Variants in MED22 observed in about 807,000 individuals in gnomAD.
MED22 encodes the protein mediator of RNA polymerase II transcription subunit 22.
A neutral mutation model predicts 22.7 loss-of-function variants in MED22; 22 were observed. The observed-to-expected ratio is 0.97, with a 90% CI of 0.69 to 1.38. The LOEUF (loss-of-function observed/expected upper bound fraction) is 1.38, where lower values mean the gene tolerates loss of function less well. Among genes scored for constraint, MED22 ranks in the 40% most tolerant of loss-of-function variants. MED22 has a pLI of 0.00. For missense variants in MED22, 247 were observed against 263.0 expected, an observed-to-expected ratio of 0.94 and a Z score of 0.42; for synonymous variants, 134 against 119.4, an observed-to-expected ratio of 1.12 and a Z score of -0.80.
intron 4 of MED22, chr9:133,343,749 T>A: frequency 3.8e-6 from 5 of 1,299,640 alleles, no homozygotes; most frequent in Non-Finnish European, 4.9e-6. Flanking sequence ...TTGGCTGAAA[T>A]CTCTACATAT....
Position 133,340,199 on chromosome 9 carries a change from C to G in MED22, c.*1306G>C, listed in dbSNP as rs1456808478. ...AAATTCTCCCTCAGAGGGGAAGCAA[C>G]TTCCCTAGGCCACCCCAGAAGCCAG... is the stretch of plus-strand genomic sequence containing the variant. On this transcript the variant is annotated 3_prime_UTR_variant, in exon 5 of 5. Transcript: ENST00000343730. The G allele has an allele frequency of 2.6e-5, 4 of 152,256 alleles. No homozygotes were observed. The highest frequency in any genetic ancestry group is 4.4e-5 in the Non-Finnish European group (3 of 68,072). 9.4% of individuals were successfully genotyped at this position (152,256 alleles called of 1,614,324 possible).
In MED22 at chr9:133,339,539, C is replaced by T; in HGVS notation, c.*1966G>A. 7.5e-6 allele frequency: 4 copies of T among 534,006 alleles called. No individual in the cohort carries two copies. The highest frequency in any genetic ancestry group is 3.7e-5 in the East Asian group (1 of 26,860). The allele number at this position is 534,006 out of a possible 1,614,324, so 33.1% of individuals were successfully genotyped here. ...GGCATTAAAAAAACTATTTGGGGAA[C>T]AACTGAAGAAATCTGAATACAGCTA... On this transcript the variant is annotated 3_prime_UTR_variant, in exon 5 of 5. Coordinates refer to ENST00000343730, the MANE Select transcript of MED22 (RefSeq NM_133640.5).
Position 133,338,361 on chromosome 9 carries a change from A to G in MED22, c.*3144T>C, listed in dbSNP as rs2129940454. On this transcript the variant is annotated 3_prime_UTR_variant, in exon 5 of 5. Transcript: ENST00000343730. ...GCTCTTGTTGCCCAAGCTGGAGTGC[A>G]GTGGCCCGATCTCGGCTCACTGCAA... 18 of 152,824 alleles carry G rather than the reference A, an allele frequency of 1.2e-4. No homozygotes were observed. Among genetic ancestry groups the G allele is most frequent in the Non-Finnish European group, 2.5e-4 (17 of 68,846 alleles). 9.5% of individuals were successfully genotyped at this position (152,824 alleles called of 1,614,324 possible).
intron 2 of MED22, among the ~76,000 whole-genome samples, chr9:133,345,591 C>T (rs1454125024): frequency 6.6e-6 from 1 of 152,226 alleles, no homozygotes; most frequent in East Asian, 1.9e-4. Flanking sequence ...GAACCGTTGT[C>T]ACTTGCTTGG....
At chr9:133,344,650 C>A (rs587639628) in intron 3 of MED22, among the ~76,000 whole-genome samples, 1 of 152,182 alleles carries the variant, frequency 6.6e-6, no homozygotes, top group African/African-American at 2.4e-5. Context: ...AACTGCGATC[C>A]CATTTTGCCT....
intron 4 of MED22, 182 bp downstream of exon 4, chr9:133,343,943 C>A: frequency 6.9e-7 from 1 of 1,446,960 alleles, no homozygotes; most frequent in Non-Finnish European, 9.1e-7. Flanking sequence ...AGGGCCCTGG[C>A]ATATGGATGT....
chr9:133,346,382 C>A (rs1836179619), intron 2 of MED22, 158 bp downstream of exon 2: 1 of 826,230 alleles, frequency 1.2e-6, no homozygotes, highest in Non-Finnish European at 1.9e-6. Context: ...AAGGGCTGGA[C>A]GTGCCATTAT....
chr9:133,342,017 G>A (rs1293954904), intron 4 of MED22: 2 of 1,134,728 alleles, frequency 1.8e-6, no homozygotes, highest in Middle Eastern at 3.6e-4. Flanking sequence ...GCTGGTGCTG[G>A]TCCCCCTCCT....
At chr9:133,343,520 G>A in intron 4 of MED22, 1 of 1,237,172 alleles carries the variant, frequency 8.1e-7, no homozygotes, top group Non-Finnish European at 1.0e-6. Flanking sequence ...ACGGGGCCTG[G>A]CACGTAGGTT....
chr9:133,343,396 C>A (rs1209183221), intron 4 of MED22: 1 of 1,227,198 alleles, frequency 8.1e-7, no homozygotes, highest in African/African-American at 1.6e-5. Flanking sequence ...GATACGTAGA[C>A]TCTGATTTCT....
chr9:133,341,365 G>T lies in MED22; in HGVS notation c.*140C>A. 1 of 928,786 alleles carries T rather than the reference G, an allele frequency of 1.1e-6. No homozygotes were observed. Among genetic ancestry groups the T allele is most frequent in the Non-Finnish European group, 1.5e-6 (1 of 665,166 alleles). The allele number at this position is 928,786 out of a possible 1,614,324, so 57.5% of individuals were successfully genotyped here. ...TGGCGGGACCCACCCTGGGCTAACG[G>T]GCTTCCCAAGGAAGTCCTAGTGGCT... On this transcript the variant is annotated 3_prime_UTR_variant, in exon 5 of 5. Transcript: ENST00000343730.
chr9:133,344,252 C>T lies in MED22; in HGVS notation c.286G>A (p.Glu96Lys), dbSNP rs2129960916. The T allele has an allele frequency of 1.4e-5, 22 of 1,614,210 alleles. No individual in the cohort carries two copies. The highest frequency in any genetic ancestry group is 8.8e-5 in the South Asian group (8 of 91,084). Residue 96 changes from glutamate (E) to lysine (K), a missense_variant, in exon 4 of 5, where the codon GAG (glutamate) becomes AAG (lysine). Transcript: ENST00000343730. The stretch of plus-strand genomic sequence containing the variant: ...TGCTGGTTGCGCTGGTCAATGGCCT[C>T]GTTCACGGAGGGGAAGTCATTGAGG... The part of the protein sequence containing the change: ...LILNDFPSVN[E>K]AIDQRNQQLR...
chr9:133,339,576 A>G lies in MED22; in HGVS notation c.*1929T>C, dbSNP rs1030154800. On this transcript the variant is annotated 3_prime_UTR_variant, in exon 5 of 5. Coordinates refer to ENST00000343730, the MANE Select transcript of MED22 (RefSeq NM_133640.5). ...TCTGAATACAGCTAGATACCAGAGG[A>G]TATGCAATCATCATCCATTCTGGTT... is the stretch of plus-strand genomic sequence containing the variant. 1 of 467,254 alleles carries G rather than the reference A, an allele frequency of 2.1e-6. No homozygotes were observed. The highest frequency in any genetic ancestry group is 2.0e-5 in the African/African-American group (1 of 50,076). 28.9% of individuals were successfully genotyped at this position (467,254 alleles called of 1,614,324 possible).
chr9:133,343,272 G>A, intron 4 of MED22: 3 of 1,221,684 alleles, frequency 2.5e-6, no homozygotes, highest in Non-Finnish European at 3.1e-6. Flanking sequence ...TCCAGGAGAA[G>A]GCACAAGATG....
intron 4 of MED22, chr9:133,342,990 G>C (rs587671011): frequency 1.8e-5 from 18 of 986,118 alleles, no homozygotes; most frequent in Non-Finnish European, 2.2e-5. Flanking sequence ...GAGATGCCCA[G>C]AAGGGTCTGA....
Position 133,347,966 on chromosome 9 carries a change from C to T in MED22, c.-83G>A. The T allele has an allele frequency of 2.3e-6, 1 of 437,064 alleles. No individual in the cohort carries two copies. The highest frequency in any genetic ancestry group is 2.1e-5 in the South Asian group (1 of 47,458). The allele number at this position is 437,064 out of a possible 1,614,324, so 27.1% of individuals were successfully genotyped here. On this transcript the variant is annotated 5_prime_UTR_variant, in exon 1 of 5. Coordinates refer to ENST00000343730, the MANE Select transcript of MED22 (RefSeq NM_133640.5). The stretch of plus-strand genomic sequence containing the variant: ...CCAGACGCCGCGTCCGCCGGGTCGG[C>T]CTAGGGCGGGGTGGTCAAGTGCCTC...
intron 4 of MED22, chr9:133,343,882 G>A (rs1426408074): frequency 4.1e-5 from 58 of 1,419,388 alleles, no homozygotes; most frequent in Non-Finnish European, 4.9e-5. Context: ...CGGCCTATCC[G>A]ACTGGCGTGA....
chr9:133,339,326 G>C lies in MED22; in HGVS notation c.*2179C>G, dbSNP rs1054452934. 2.8e-6 allele frequency: 2 copies of C among 714,954 alleles called. No individual in the cohort carries two copies. The highest frequency in any genetic ancestry group is 1.7e-5 in the African/African-American group (1 of 57,210). The allele number at this position is 714,954 out of a possible 1,614,324, so 44.3% of individuals were successfully genotyped here. On this transcript the variant is annotated 3_prime_UTR_variant, in exon 5 of 5. Coordinates refer to ENST00000343730, the MANE Select transcript of MED22 (RefSeq NM_133640.5). ...TGAAACGCGTGAAGGAAAATGATCA[G>C]AAAAAGAGGGAAGCCAAAGAGAAAG... is the stretch of plus-strand genomic sequence containing the variant.
At chr9:133,341,799 C>G in intron 4 of MED22, 105 bp from the exon 5 acceptor site, 1 of 1,491,722 alleles carries the variant, frequency 6.7e-7, no homozygotes, top group Non-Finnish European at 8.8e-7. Flanking sequence ...CACGACCACA[C>G]CCCAGACCTG....
Sources: gnomAD v4.1 joint callset for allele counts (sites outside exome capture counted in the v4.1 genomes callset) on GRCh38, gnomAD v4.1.1 for gene constraint, MANE v1.5 for transcripts, NCBI Gene and HGNC (gene_info 2026-07-23, HGNC 2026-07-21) for gene names.